The following RAB30 variants were observed in gnomAD, a reference collection of about 807,000 sequenced individuals.
RAB30 encodes ras-related protein Rab-30.
In RAB30, 9 loss-of-function variants were observed where a neutral mutation model predicts 25.1. The observed-to-expected ratio is 0.36, with a 90% CI of 0.22 to 0.63. The LOEUF is 0.63. RAB30 is among the 20% of genes least tolerant of loss of function. RAB30 has a pLI of 0.69. For missense variants in RAB30, 140 were observed against 243.5 expected, an observed-to-expected ratio of 0.58 and a Z score of 2.83; for synonymous variants, 77 against 86.4, an observed-to-expected ratio of 0.89 and a Z score of 0.60.
intron 1 of RAB30, among the ~76,000 whole-genome samples, chr11:83,030,497 CAA>C (rs1053115983): frequency 4.6e-5 from 7 of 151,328 alleles, no homozygotes; most frequent in African/African-American, 1.7e-4. Flanking sequence ...GACCCTGTCT[CAA>C]AAAAAAGTCT....
chr11:83,070,940 G>A (rs764831840), intron 1 of RAB30, among the ~76,000 whole-genome samples: 1 of 152,226 alleles, frequency 6.6e-6, no homozygotes, highest in African/African-American at 2.4e-5. Flanking sequence ...CAGTGGCAAA[G>A]AGCCTATGCA....
intron 4 of RAB30, among the ~76,000 whole-genome samples, chr11:82,984,930 G>A (rs1856712021): frequency 6.6e-6 from 1 of 152,116 alleles, no homozygotes; most frequent in Non-Finnish European, 1.5e-5. Context: ...CGGAACAATG[G>A]GAGCATCAAT....
chr11:83,006,934 A>G (rs1430860454), intron 1 of RAB30, among the ~76,000 whole-genome samples: 1 of 152,230 alleles, frequency 6.6e-6, no homozygotes, highest in Non-Finnish European at 1.5e-5. Context: ...GCCAAAACCA[A>G]TGGATCAAAC....
At chr11:82,988,259 C>T (rs1856780100) in intron 3 of RAB30, among the ~76,000 whole-genome samples, 1 of 152,174 alleles carries the variant, frequency 6.6e-6, no homozygotes, top group Non-Finnish European at 1.5e-5. Context: ...CCAATTCAAC[C>T]AGGCATTGTG....
chr11:83,050,623 T>C (rs561890257), intron 1 of RAB30, among the ~76,000 whole-genome samples: 4 of 152,240 alleles, frequency 2.6e-5, no homozygotes, highest in African/African-American at 7.2e-5. Context: ...CATGAAATTA[T>C]AGAGCTTTGT....
At chr11:83,063,384 C>G (rs927041076) in intron 1 of RAB30, among the ~76,000 whole-genome samples, 3 of 152,140 alleles carry the variant, frequency 2.0e-5, no homozygotes, top group Admixed American at 2.0e-4. Flanking sequence ...TTGATGACGT[C>G]CACATTTTAG....
intron 1 of RAB30, among the ~76,000 whole-genome samples, chr11:83,053,442 C>A (rs1017807978): frequency 2.6e-5 from 4 of 152,158 alleles, no homozygotes; most frequent in African/African-American, 9.7e-5. Context: ...TAATTCTAAT[C>A]CTTAGTAACT....
At chr11:83,049,748 T>C (rs1003376716) in intron 1 of RAB30, among the ~76,000 whole-genome samples, 2 of 152,150 alleles carry the variant, frequency 1.3e-5, no homozygotes, top group Non-Finnish European at 2.9e-5. Flanking sequence ...TTTGAGGTGA[T>C]TCAAATAGGC....
rs1323719764 is a variant in RAB30, at chr11:82,979,164, G to A, written c.*3001C>T. The stretch of plus-strand genomic sequence containing the variant: ...CCTTTGAGGATGTAGTCTATACAAA[G>A]CCATAAGAAAATATCATTATCAGCA... On this transcript the variant is annotated 3_prime_UTR_variant, in exon 5 of 5. Transcript: ENST00000527633. The A allele has an allele frequency of 6.6e-6, 1 of 152,106 alleles. No individual in the cohort carries two copies. The highest frequency in any genetic ancestry group is 2.4e-5 in the African/African-American group (1 of 41,422). 9.4% of individuals were successfully genotyped at this position (152,106 alleles called of 1,614,324 possible). A position where few individuals can be genotyped will look rare whatever the true frequency, so the allele number is the denominator to read the frequency against.
At chr11:82,985,798 A>T (rs891315406) in intron 4 of RAB30, among the ~76,000 whole-genome samples, 4 of 150,028 alleles carry the variant, frequency 2.7e-5, no homozygotes, top group Non-Finnish European at 5.9e-5. Context: ...TGCAGCCTTC[A>T]ACTTCTGGGC....
chr11:83,016,824 C>T (rs910627239), intron 1 of RAB30, among the ~76,000 whole-genome samples: 2 of 152,216 alleles, frequency 1.3e-5, no homozygotes, highest in East Asian at 3.8e-4. Flanking sequence ...CTTCTCACTT[C>T]AATGTAAGCA....
At chr11:83,062,322 T>C (rs1186198769) in intron 1 of RAB30, among the ~76,000 whole-genome samples, 1 of 152,222 alleles carries the variant, frequency 6.6e-6, no homozygotes, top group African/African-American at 2.4e-5. Context: ...CAATACAACT[T>C]TGTAGAGCAT....
intron 1 of RAB30, among the ~76,000 whole-genome samples, chr11:83,047,996 T>C (rs1858270091): frequency 6.6e-6 from 1 of 152,108 alleles, no homozygotes; most frequent in Non-Finnish European, 1.5e-5. Context: ...ATACCTGTAA[T>C]CCCAACACTT....
intron 4 of RAB30, among the ~76,000 whole-genome samples, chr11:82,986,058 C>T (rs750724917): frequency 7.2e-5 from 11 of 152,052 alleles, no homozygotes; most frequent in Non-Finnish European, 4.4e-5. Flanking sequence ...GAAATTTGAA[C>T]ACTGTCTAAG....
intron 1 of RAB30, among the ~76,000 whole-genome samples, chr11:83,027,479 G>A (rs1193128745): frequency 6.6e-6 from 1 of 152,068 alleles, no homozygotes; most frequent in African/African-American, 2.4e-5. Context: ...TGTACCCAAG[G>A]GAAAACCTGA....
At chr11:83,029,448 G>A (rs994205928) in intron 1 of RAB30, among the ~76,000 whole-genome samples, 1 of 151,470 alleles carries the variant, frequency 6.6e-6, no homozygotes, top group Non-Finnish European at 1.5e-5. Flanking sequence ...TGTTGCCCAG[G>A]CTGGAGTGCA....
intron 4 of RAB30, 76 bp from the exon 5 acceptor site, chr11:82,982,491 C>G (rs1856660110): frequency 1.3e-6 from 2 of 1,488,430 alleles, no homozygotes; most frequent in Non-Finnish European, 9.1e-7. Context: ...AATTCAACTC[C>G]ATATCTGAAG....
At chr11:83,004,652 T>A (rs1857149760) in intron 1 of RAB30, among the ~76,000 whole-genome samples, 1 of 152,062 alleles carries the variant, frequency 6.6e-6, no homozygotes, top group African/African-American at 2.4e-5. Flanking sequence ...AGCAGGTGAA[T>A]CTCACCCTCT....
rs1399100202 is a variant in RAB30 at position 83,022,815 on chromosome 11, T to C, written c.-8-25491A>G. Among the ~76,000 whole-genome samples the C allele has an allele frequency of 2.0e-5, 3 of 152,270 alleles. No individual in the cohort carries two copies. In the East Asian group the frequency reaches 5.8e-4, roughly 29 times the overall value. Reference sequence around the variant, plus strand: ...AATATGAACATGGCCTGATATCAGATGATCATTTTGTTTTTTGTTTTAGAT... The same window carrying C: ...AATATGAACATGGCCTGATATCAGACGATCATTTTGTTTTTTGTTTTAGAT... On this transcript the variant is annotated intron_variant, in intron 1 of 4. Coordinates refer to ENST00000527633, the MANE Select transcript of RAB30 (RefSeq NM_001286060.2).
Sources: allele counts gnomAD v4.1 joint callset (sites outside exome capture counted in the v4.1 genomes callset), GRCh38; gene constraint gnomAD v4.1.1; transcripts MANE v1.5; gene names NCBI Gene and HGNC (gene_info 2026-07-23, HGNC 2026-07-21).